Variants in ERBB4 observed in about 807,000 individuals in gnomAD.
ERBB4 encodes the protein erb-b2 receptor tyrosine kinase 4.
A neutral mutation model predicts 158.0 loss-of-function variants in ERBB4; 42 were observed. The observed-to-expected ratio is 0.27, with a 90% CI of 0.21 to 0.34. The LOEUF is 0.34. Ranked by LOEUF, ERBB4 falls within the 10% of genes least tolerant of loss-of-function variation. The pLI is 1.00. For synonymous variants in ERBB4, 583 were observed against 558.7 expected (o/e 1.04, Z -0.61); for missense variants, 1,333 against 1,624.1 (o/e 0.82, Z 3.08).
chr2:212,094,079 G>A (rs1484227712), intron 2 of ERBB4, among the ~76,000 whole-genome samples: 1 of 151,878 alleles, frequency 6.6e-6, no homozygotes, highest in African/African-American at 2.4e-5. Context: ...TGGTTTGGAT[G>A]TTCTATCCCC....
chr2:211,622,527 A>G (rs2069642521), intron 18 of ERBB4, among the ~76,000 whole-genome samples: 1 of 152,166 alleles, frequency 6.6e-6, no homozygotes, highest in Non-Finnish European at 1.5e-5. Flanking sequence ...TAAGGTTTAT[A>G]TTCTAATTAT....
intron 20 of ERBB4, among the ~76,000 whole-genome samples, chr2:211,440,845 T>G (rs11887237): frequency 0.12 from 18,336 of 152,212 alleles, 2,450 homozygotes; most frequent in African/African-American, 0.33. Context: ...AAGGCTCTTA[T>G]GCAACTTGAG....
intron 1 of ERBB4, among the ~76,000 whole-genome samples, chr2:212,259,646 A>G (rs1470560164): frequency 6.6e-6 from 1 of 152,220 alleles, no homozygotes; most frequent in Non-Finnish European, 1.5e-5. Context: ...AAAGGCAACG[A>G]ATATTCCAGG....
intron 1 of ERBB4, among the ~76,000 whole-genome samples, chr2:212,252,851 G>C (rs1366304571): frequency 1.3e-5 from 2 of 152,056 alleles, no homozygotes; most frequent in Non-Finnish European, 1.5e-5. Flanking sequence ...CATATGTATT[G>C]TAAAAATTAA....
intron 2 of ERBB4, among the ~76,000 whole-genome samples, chr2:212,105,175 A>G (rs1323460540): frequency 6.6e-6 from 1 of 152,210 alleles, no homozygotes; most frequent in Non-Finnish European, 1.5e-5. Flanking sequence ...ACCTAATATG[A>G]AAAGTCCATT....
chr2:212,133,362 C>T (rs2080164165), intron 1 of ERBB4, among the ~76,000 whole-genome samples: 2 of 151,022 alleles, frequency 1.3e-5, no homozygotes, highest in Admixed American at 1.3e-4. Flanking sequence ...ATCAGGTTCC[C>T]ATACATTGTG....
intron 2 of ERBB4, among the ~76,000 whole-genome samples, chr2:212,116,486 C>A (rs931965730): frequency 2.0e-5 from 3 of 152,136 alleles, no homozygotes; most frequent in African/African-American, 7.2e-5. Flanking sequence ...TTTCCTCTGT[C>A]ACACAGGTTT....
At chr2:211,521,788 A>C (rs1452060651) in intron 20 of ERBB4, among the ~76,000 whole-genome samples, 1 of 152,164 alleles carries the variant, frequency 6.6e-6, no homozygotes, top group Admixed American at 6.5e-5. Flanking sequence ...TGGGACTGTA[A>C]GAATTATACT....
At chr2:211,773,626 ATATATATATATATATATAT>A (rs2075783300) in intron 4 of ERBB4, among the ~76,000 whole-genome samples, 2 of 78,570 alleles carry the variant, frequency 2.5e-5, no homozygotes, top group African/African-American at 1.3e-4. Flanking sequence ...ATATATATAT[ATATATATATATATATATAT>A]ATAATATATA....
intron 1 of ERBB4, among the ~76,000 whole-genome samples, chr2:212,234,845 T>G (rs2083800962): frequency 6.6e-6 from 1 of 152,184 alleles, no homozygotes; most frequent in African/African-American, 2.4e-5. Flanking sequence ...TCCTGTAAAT[T>G]TGTTTTTCTT....
At chr2:212,195,941 A>G (rs184773020) in intron 1 of ERBB4, among the ~76,000 whole-genome samples, 2 of 152,218 alleles carry the variant, frequency 1.3e-5, no homozygotes, top group Admixed American at 6.5e-5. Context: ...TTAATTTAAG[A>G]TAGTCCATCA....
chr2:212,361,443 G>A (rs2089683288), intron 1 of ERBB4, among the ~76,000 whole-genome samples: 2 of 151,554 alleles, frequency 1.3e-5, no homozygotes, highest in Admixed American at 6.6e-5. Context: ...CATATAGGCT[G>A]TCTGTAAAGT....
At chr2:211,878,521 ATTAATAATACATGTAGGTAT>A (rs2078571954) in intron 3 of ERBB4, among the ~76,000 whole-genome samples, 2 of 152,212 alleles carry the variant, frequency 1.3e-5, no homozygotes, top group Non-Finnish European at 2.9e-5. Context: ...TTAAAATTCC[ATTAATAATACATGTAGGTAT>A]TTACAGTTTT....
chr2:212,264,219 C>A (rs560171436), intron 1 of ERBB4, among the ~76,000 whole-genome samples: 1 of 152,008 alleles, frequency 6.6e-6, no homozygotes, highest in African/African-American at 2.4e-5. Context: ...TAAACCCATA[C>A]CCAATGTATT....
At chr2:212,055,242 T>C (rs1235820508) in intron 2 of ERBB4, among the ~76,000 whole-genome samples, 1 of 151,920 alleles carries the variant, frequency 6.6e-6, no homozygotes, top group Non-Finnish European at 1.5e-5. Flanking sequence ...CAGCAGTGAG[T>C]CTGGGGAAGG....
chr2:212,310,609 ATGTGTGTGTGTGTGTG>A lies in ERBB4; in HGVS notation c.83-185722_83-185707del, dbSNP rs56209146. ...TGTTTTGAGCTTCATATATATGTAT[ATGTGTGTGTGTGTGTG>A]TGTGTGTGTGTGTGTGTGTATATAT... is the stretch of plus-strand genomic sequence containing the variant. On this transcript the variant is annotated intron_variant, in intron 1 of 27. Coordinates refer to ENST00000342788, the MANE Select transcript of ERBB4 (RefSeq NM_005235.3). Among the ~76,000 whole-genome samples the A allele has an allele frequency of 7.1e-3, 1,014 of 143,482 alleles. 10 individuals carry two copies. The highest frequency in any genetic ancestry group is 0.025 in the African/African-American group (969 of 38,826). The allele number at this position is 143,482 out of a possible 152,430, so 94.1% of individuals were successfully genotyped here. A position where few individuals can be genotyped will look rare whatever the true frequency, so the allele number is the denominator to read the frequency against.
chr2:212,265,561 A>G (rs113792481), intron 1 of ERBB4, among the ~76,000 whole-genome samples: 4,954 of 152,066 alleles, frequency 0.033, 279 homozygotes, highest in African/African-American at 0.11. Flanking sequence ...AAATATAATC[A>G]TATCTTTCAG....
chr2:212,220,587 G>A lies in ERBB4; in HGVS notation c.83-95684C>T, dbSNP rs540281634. On this transcript the variant is annotated intron_variant, in intron 1 of 27. Coordinates refer to ENST00000342788, the MANE Select transcript of ERBB4 (RefSeq NM_005235.3). ...TGCTGACTTCTTGTGTGTATCCCTA[G>A]TTCCCATCTTGTTTGAGATGGCAAC... Among the ~76,000 whole-genome samples the A allele has an allele frequency of 9.9e-4, 150 of 151,442 alleles. No homozygotes were observed. The South Asian group carries it at 0.012, about 12-fold the overall frequency.
intron 20 of ERBB4, among the ~76,000 whole-genome samples, chr2:211,440,532 A>C (rs17803464): frequency 0.018 from 2,696 of 152,296 alleles, 18 homozygotes; most frequent in South Asian, 0.032. Flanking sequence ...GAGCAGAAAC[A>C]GATCATTCCT....
Sources: gnomAD v4.1 joint callset for allele counts (sites outside exome capture counted in the v4.1 genomes callset) on GRCh38, gnomAD v4.1.1 for gene constraint, MANE v1.5 for transcripts, NCBI Gene and HGNC (gene_info 2026-07-23, HGNC 2026-07-21) for gene names.